Variants in DTNA observed in about 807,000 individuals in gnomAD.
DTNA encodes the protein dystrophin-related protein 3.
In DTNA, 43 loss-of-function variants were observed where a neutral mutation model predicts 100.7. The observed-to-expected ratio is 0.43, with a 90% CI of 0.33 to 0.55. The LOEUF is 0.55. DTNA is among the 20% of genes least tolerant of loss of function. The pLI, the probability that DTNA is intolerant of heterozygous loss-of-function variation, is 0.04. For synonymous variants in DTNA, 349 were observed against 347.9 expected (o/e 1.00, Z -0.04); for missense variants, 798 against 953.9 (o/e 0.84, Z 2.15).
chr18:34,755,804 A>G (rs918258129), intron 1 of DTNA, among the ~76,000 whole-genome samples, 172 bp from the exon 2 acceptor site: 1 of 152,236 alleles, frequency 6.6e-6, no homozygotes, highest in Non-Finnish European at 1.5e-5. Context: ...ATGGAAAAAT[A>G]TGCGCAGCAA....
intron 1 of DTNA, among the ~76,000 whole-genome samples, chr18:34,578,691 C>T (rs191719957): frequency 4.2e-4 from 64 of 152,232 alleles, no homozygotes; most frequent in Non-Finnish European, 7.5e-4. Flanking sequence ...ATGTGGCTTG[C>T]CAATTATCCC....
In DTNA at chr18:34,812,090, G is replaced by A; in HGVS notation, c.580G>A (p.Ala194Thr). The change falls in exon 6 of 23, where the codon GCC (alanine) becomes ACC (threonine). Residue 194 changes from alanine (A) to threonine (T), a missense_variant. Transcript: ENST00000444659. The part of the protein sequence containing the change: ...GPSFGYTEQS[A>T]RSCFSQQKKV... ...TTCATTTGGTTACACAGAACAGTCA[G>A]CCAGATCCTGTTTCTCCCAACAGGT... The A allele has an allele frequency of 1.2e-6, 2 of 1,614,060 alleles. No homozygotes were observed. Among genetic ancestry groups the A allele is most frequent in the Non-Finnish European group, 1.7e-6 (2 of 1,179,942 alleles).
At chr18:34,822,604 T>A (rs1031140426) in intron 9 of DTNA, 1 of 153,292 alleles carries the variant, frequency 6.5e-6, no homozygotes, top group Admixed American at 6.5e-5. Context: ...TCAGGGCCTG[T>A]ACCCAGTGGG....
chr18:34,834,788 C>T (rs1348633202), intron 11 of DTNA, among the ~76,000 whole-genome samples: 1 of 152,166 alleles, frequency 6.6e-6, no homozygotes, highest in Non-Finnish European at 1.5e-5. Flanking sequence ...ACCCCCATAA[C>T]CCAAACACCT....
intron 1 of DTNA, among the ~76,000 whole-genome samples, chr18:34,738,161 T>C (rs1178795859): frequency 6.6e-6 from 1 of 152,076 alleles, no homozygotes; most frequent in African/African-American, 2.4e-5. Flanking sequence ...GACATGGGCC[T>C]GGGGGCCAGG....
chr18:34,860,041 TTTTGTTTGTTTG>T (rs368883033), intron 16 of DTNA, among the ~76,000 whole-genome samples: 1 of 151,630 alleles, frequency 6.6e-6, no homozygotes. Context: ...TTCTTTTTGT[TTTTGTTTGTTTG>T]TTTGTTTGTT....
At chr18:34,737,623 A>C (rs1185142130) in intron 1 of DTNA, among the ~76,000 whole-genome samples, 2 of 152,108 alleles carry the variant, frequency 1.3e-5, no homozygotes, top group East Asian at 3.9e-4. Flanking sequence ...TCCAGGTCAA[A>C]TCTTCCAAGT....
At chr18:34,590,701 T>C (rs546783612) in intron 1 of DTNA, among the ~76,000 whole-genome samples, 1 of 152,364 alleles carries the variant, frequency 6.6e-6, no homozygotes, top group South Asian at 2.1e-4. Flanking sequence ...GCCTGTTACA[T>C]GCCCAGTTTT....
intron 16 of DTNA, among the ~76,000 whole-genome samples, chr18:34,858,777 A>G (rs560899407): frequency 6.6e-6 from 1 of 151,760 alleles, no homozygotes; most frequent in East Asian, 1.9e-4. Flanking sequence ...CACCTGGCTA[A>G]TTTTTTTGTA....
chr18:34,644,852 C>T (rs2148431234), intron 1 of DTNA, among the ~76,000 whole-genome samples: 1 of 152,180 alleles, frequency 6.6e-6, no homozygotes, highest in East Asian at 1.9e-4. Flanking sequence ...GAAAAGACGA[C>T]ATAATATTCT....
chr18:34,519,708 C>T lies in DTNA; in HGVS notation c.-2+26194C>T, dbSNP rs2041982555. Among the ~76,000 whole-genome samples, 3 of 152,212 alleles carry T rather than the reference C, an allele frequency of 2.0e-5. No individual in the cohort carries two copies. The South Asian group carries it at 6.2e-4, about 32-fold the overall frequency. On this transcript the variant is annotated intron_variant, in intron 1 of 19. Transcript: ENST00000283365. The stretch of plus-strand genomic sequence containing the variant: ...TTTTCAAATGAAGTCTCATACAGAA[C>T]TGGAAAACAGTTAAAAGCAAAGCAG...
chr18:34,753,783 C>T (rs1257375100), intron 1 of DTNA, among the ~76,000 whole-genome samples: 1 of 152,154 alleles, frequency 6.6e-6, no homozygotes, highest in African/African-American at 2.4e-5. Context: ...CTCAAGTCTA[C>T]TTCTGAGCCC....
chr18:34,719,202 A>G (rs909342497), intron 1 of DTNA, among the ~76,000 whole-genome samples: 2 of 151,958 alleles, frequency 1.3e-5, no homozygotes, highest in Middle Eastern at 3.2e-3. Context: ...CTAGCCAGGC[A>G]TGGTGGTGTG....
intron 1 of DTNA, chr18:34,504,297 C>T (rs976995830): frequency 6.6e-6 from 1 of 152,086 alleles, no homozygotes; most frequent in Non-Finnish European, 1.5e-5. Flanking sequence ...TTTACAGCCT[C>T]CATTTATAAT....
intron 1 of DTNA, among the ~76,000 whole-genome samples, chr18:34,725,098 A>C (rs2086299344): frequency 6.6e-6 from 1 of 152,220 alleles, no homozygotes; most frequent in Admixed American, 6.5e-5. Context: ...AATTAACTCA[A>C]GATGGATTAA....
At chr18:34,523,111 G>A (rs1443374678) in intron 1 of DTNA, among the ~76,000 whole-genome samples, 1 of 152,198 alleles carries the variant, frequency 6.6e-6, no homozygotes. Flanking sequence ...TAAAGGGGAT[G>A]CTGTGTCTTG....
chr18:34,703,914 G>T (rs2146263909), intron 1 of DTNA, among the ~76,000 whole-genome samples: 1 of 152,088 alleles, frequency 6.6e-6, no homozygotes, highest in African/African-American at 2.4e-5. Context: ...CCCTTCTTGG[G>T]AATTTTGCTA....
intron 1 of DTNA, among the ~76,000 whole-genome samples, chr18:34,555,223 C>T (rs1454574295): frequency 3.5e-5 from 5 of 142,108 alleles, no homozygotes; most frequent in African/African-American, 1.4e-4. Flanking sequence ...GTGGTGATAT[C>T]CCCTTTATCA....
intron 1 of DTNA, among the ~76,000 whole-genome samples, chr18:34,650,038 A>G (rs946200929): frequency 2.0e-5 from 3 of 152,104 alleles, no homozygotes; most frequent in Non-Finnish European, 4.4e-5. Flanking sequence ...GTAGTTCACA[A>G]CCTAGCAAAA....
Sources: allele counts gnomAD v4.1 joint callset (sites outside exome capture counted in the v4.1 genomes callset), GRCh38; gene constraint gnomAD v4.1.1; transcripts MANE v1.5; gene names NCBI Gene and HGNC (gene_info 2026-07-23, HGNC 2026-07-21).